Variants in ARPC1A observed in about 807,000 individuals in gnomAD.
ARPC1A encodes the protein actin related protein 2/3 complex subunit 1A.
A neutral mutation model predicts 46.9 loss-of-function variants in ARPC1A; 8 were observed. That is an observed-to-expected ratio of 0.17 (90% CI 0.10 to 0.31). The LOEUF (loss-of-function observed/expected upper bound fraction) is 0.31. Ranked by LOEUF, ARPC1A falls within the 10% of genes least tolerant of loss-of-function variation. The pLI is 1.00. For missense variants in ARPC1A, 286 were observed against 483.6 expected (o/e 0.59, Z 3.83); for synonymous variants, 152 against 169.0 (o/e 0.90, Z 0.78).
At chr7:99,355,896 C>T (rs555632879) in intron 6 of ARPC1A, among the ~76,000 whole-genome samples, 3 of 152,278 alleles carry the variant, frequency 2.0e-5, no homozygotes, top group African/African-American at 7.2e-5. Flanking sequence ...TTCAGTAAGG[C>T]TTAAAAAGCA....
chr7:99,348,153 T>G (rs1415603583), intron 4 of ARPC1A, among the ~76,000 whole-genome samples: 1 of 152,202 alleles, frequency 6.6e-6, no homozygotes, highest in Non-Finnish European at 1.5e-5. Context: ...GATATTAAGC[T>G]GTCTTACAAC....
At chr7:99,340,059 TG>T (rs1793332642) in intron 3 of ARPC1A, 1 of 452,822 alleles carries the variant, frequency 2.2e-6, no homozygotes, top group Non-Finnish European at 4.5e-6. Flanking sequence ...CTTTCAGACG[TG>T]TATTAGCCAT....
At chr7:99,352,829 T>C (rs1793565767) in intron 5 of ARPC1A, among the ~76,000 whole-genome samples, 1 of 151,902 alleles carries the variant, frequency 6.6e-6, no homozygotes, top group Non-Finnish European at 1.5e-5. Context: ...CCAGGCATGG[T>C]GGCACATGCC....
At chr7:99,364,967 G>C (rs140065914) in intron 9 of ARPC1A, among the ~76,000 whole-genome samples, 1 of 152,102 alleles carries the variant, frequency 6.6e-6, no homozygotes, top group Non-Finnish European at 1.5e-5. Context: ...GGAACAGGTT[G>C]CACCTGAGCG....
chr7:99,340,346 A>G (rs1396117720), intron 3 of ARPC1A, among the ~76,000 whole-genome samples: 1 of 152,118 alleles, frequency 6.6e-6, no homozygotes, highest in African/African-American at 2.4e-5. Context: ...TATTTTTAGT[A>G]GATGTGGGAT....
chr7:99,363,389 G>A (rs1793774708), intron 8 of ARPC1A, 154 bp from the exon 9 acceptor site: 3 of 631,644 alleles, frequency 4.7e-6, no homozygotes, highest in Admixed American at 6.5e-5. Context: ...AGACCAGCTT[G>A]GGCAACATAA....
chr7:99,359,462 G>T, intron 7 of ARPC1A, 83 bp from the exon 8 acceptor site: 37 of 1,258,358 alleles, frequency 2.9e-5, no homozygotes, highest in Non-Finnish European at 4.1e-5. Context: ...AAGAGTAAGA[G>T]AGGCCTGTCG....
intron 7 of ARPC1A, among the ~76,000 whole-genome samples, chr7:99,359,297 A>G (rs1242771979): frequency 2.0e-5 from 3 of 151,956 alleles, no homozygotes; most frequent in Non-Finnish European, 4.4e-5. Context: ...TTAGCCAGGC[A>G]TGGTGGCAGA....
intron 6 of ARPC1A, among the ~76,000 whole-genome samples, chr7:99,357,248 T>C (rs1465025743): frequency 1.3e-5 from 2 of 152,152 alleles, no homozygotes; most frequent in African/African-American, 2.4e-5. Context: ...AACATAAATA[T>C]CTCATGTAGT....
At chr7:99,338,385 T>C in intron 3 of ARPC1A, 100 bp downstream of exon 3, 10 of 748,798 alleles carry the variant, frequency 1.3e-5, no homozygotes, top group Non-Finnish European at 2.0e-5. Flanking sequence ...ATAATTTTTT[T>C]TTTTTTTTTT....
chr7:99,327,345 C>G (rs1420819003), intron 1 of ARPC1A, among the ~76,000 whole-genome samples: 1 of 151,930 alleles, frequency 6.6e-6, no homozygotes, highest in African/African-American at 2.4e-5. Context: ...GAGTCTCACT[C>G]TGTCACCCAG....
chr7:99,348,335 C>CA (rs1485401894), intron 4 of ARPC1A, among the ~76,000 whole-genome samples: 1 of 152,144 alleles, frequency 6.6e-6, no homozygotes, highest in African/African-American at 2.4e-5. Flanking sequence ...TGCTGAAAAC[C>CA]AGCTGTTGTG....
intron 5 of ARPC1A, among the ~76,000 whole-genome samples, chr7:99,353,634 C>G (rs151246275): frequency 9.2e-5 from 14 of 151,872 alleles, no homozygotes; most frequent in African/African-American, 2.9e-4. Flanking sequence ...TGCGCCCCCA[C>G]GCTTGGCTAA....
chr7:99,366,198 A>G lies in ARPC1A; in HGVS notation c.*269A>G. The G allele has an allele frequency of 2.2e-6, 1 of 462,856 alleles. No individual in the cohort carries two copies. Among genetic ancestry groups the G allele is most frequent in the Admixed American group, 3.9e-5 (1 of 25,342 alleles). 28.7% of individuals were successfully genotyped at this position (462,856 alleles called of 1,614,324 possible). A position where few individuals can be genotyped will look rare whatever the true frequency, so the allele number is the denominator to read the frequency against. The stretch of plus-strand genomic sequence containing the variant: ...TATGGAAAATTGTCACACTAACTTA[A>G]AAGACAGGGTGAGGGAGATATGTAA... On this transcript the variant is annotated 3_prime_UTR_variant, in exon 10 of 10. Coordinates refer to ENST00000262942, the MANE Select transcript of ARPC1A (RefSeq NM_006409.4).
chr7:99,335,432 T>C (rs1793229560), intron 2 of ARPC1A: 1 of 441,480 alleles, frequency 2.3e-6, no homozygotes, highest in Non-Finnish European at 4.5e-6. Context: ...CCATTGTTCT[T>C]TATGTTTATC....
At chr7:99,342,809 G>A (rs1793376774) in intron 3 of ARPC1A, among the ~76,000 whole-genome samples, 1 of 135,844 alleles carries the variant, frequency 7.4e-6, no homozygotes, top group South Asian at 2.4e-4. Flanking sequence ...TGTAAGCTCC[G>A]CCTCCCGGGT....
chr7:99,328,418 T>G lies in ARPC1A; in HGVS notation c.-30+2414T>G, dbSNP rs143931909. 1.4e-3 allele frequency among the ~76,000 whole-genome samples: 216 copies of G among 152,346 alleles called. 1 individual carries two copies. Among genetic ancestry groups the G allele is most frequent in the African/African-American group, 4.9e-3 (204 of 41,578 alleles). ...AAGGGAGAAAGGGAACCTGCTGGCA[T>G]GTATTTCAGGCTAGGCTCTGTACTA... On this transcript the variant is annotated intron_variant, in intron 1 of 9. Coordinates refer to ENST00000262942, the MANE Select transcript of ARPC1A (RefSeq NM_006409.4).
Position 99,338,279 on chromosome 7 carries a change from A to G in ARPC1A, c.163A>G (p.Ile55Val). ...TGAACTCAAGGAGCACAACGGACACATCACAGGTAAAGGAAGATAGCCGTG... is the reference window on the plus strand; with the variant it reads ...TGAACTCAAGGAGCACAACGGACACGTCACAGGTAAAGGAAGATAGCCGTG... ...AHELKEHNGH[I>V]TGIDWAPKSD... Residue 55 changes from isoleucine (I) to valine (V), a missense_variant, in exon 3 of 10, where the codon ATC (isoleucine) becomes GTC (valine). This residue lies in a region of ARPC1A where 38 missense variants were observed against 95.8 expected (regional missense o/e 0.40). Transcript: ENST00000262942. 6.2e-7 allele frequency: 1 copy of G among 1,601,290 alleles called. No homozygotes were observed. The highest frequency in any genetic ancestry group is 1.1e-5 in the South Asian group (1 of 89,956).
At chr7:99,349,757 G>A (rs1252507567) in intron 5 of ARPC1A, among the ~76,000 whole-genome samples, 1 of 152,100 alleles carries the variant, frequency 6.6e-6, no homozygotes, top group East Asian at 1.9e-4. Flanking sequence ...GGAGAATGGT[G>A]TGAACTCGGG....
Sources: allele counts gnomAD v4.1 joint callset (sites outside exome capture counted in the v4.1 genomes callset), GRCh38; gene constraint gnomAD v4.1.1; regional missense constraint gnomAD v4.1.1; transcripts MANE v1.5; gene names NCBI Gene and HGNC (gene_info 2026-07-23, HGNC 2026-07-21).